Variants in STK4 observed in about 807,000 individuals in gnomAD.
The protein encoded by STK4 is serine/threonine kinase 4.
Under a neutral mutation model 64.9 loss-of-function variants are expected in STK4, and 30 were observed. The observed-to-expected ratio is 0.46, with a 90% CI of 0.35 to 0.63. The LOEUF is 0.63. Ranked by LOEUF, STK4 falls within the 20% of genes least tolerant of loss-of-function variation. The pLI, the probability that STK4 is intolerant of heterozygous loss-of-function variation, is 0.01. For missense variants in STK4, 466 were observed against 598.5 expected, an observed-to-expected ratio of 0.78 and a Z score of 2.31; for synonymous variants, 177 against 199.0, an observed-to-expected ratio of 0.89 and a Z score of 0.93.
At chr20:44,969,452 G>A (rs898462809) in intron 1 of STK4, among the ~76,000 whole-genome samples, 4 of 152,192 alleles carry the variant, frequency 2.6e-5, no homozygotes, top group African/African-American at 9.7e-5. Context: ...GATGGCATGT[G>A]TTTCCAATAA....
At chr20:45,001,419 C>T in intron 9 of STK4, 66 bp downstream of exon 9, 2 of 1,526,396 alleles carry the variant, frequency 1.3e-6, no homozygotes, top group South Asian at 2.6e-5. Context: ...AAGACAGATT[C>T]TCATGGTTCA....
chr20:45,027,333 G>A (rs1039305219), intron 10 of STK4, among the ~76,000 whole-genome samples: 1 of 151,508 alleles, frequency 6.6e-6, no homozygotes, highest in Admixed American at 6.6e-5. Context: ...GGGAGGCTGA[G>A]GCAGGAGAAT....
Position 45,021,039 on chromosome 20 carries a change from C to G in STK4, c.1148-3934C>G, listed in dbSNP as rs146425162. 3.9e-3 allele frequency among the ~76,000 whole-genome samples: 592 copies of G among 152,102 alleles called. 1 individual carries two copies. Among genetic ancestry groups the G allele is most frequent in the African/African-American group, 0.013 (558 of 41,472 alleles). ...CTTGCTATGTTGCCCAGGCTGGTCT[C>G]GAACTCCTGGGCTCAAGCAGTCTAC... On this transcript the variant is annotated intron_variant, in intron 9 of 10. Coordinates refer to ENST00000372806, the MANE Select transcript of STK4 (RefSeq NM_006282.5).
At chr20:45,061,616 T>C (rs1979013717) in intron 10 of STK4, among the ~76,000 whole-genome samples, 1 of 145,542 alleles carries the variant, frequency 6.9e-6, no homozygotes, top group African/African-American at 2.6e-5. Flanking sequence ...TTTTTTTTAC[T>C]TTTAGGTTCA....
chr20:45,002,974 A>AT (rs1472002924), intron 9 of STK4, among the ~76,000 whole-genome samples: 1 of 151,982 alleles, frequency 6.6e-6, no homozygotes, highest in Non-Finnish European at 1.5e-5. Flanking sequence ...CTGAGTCATC[A>AT]TACCATTTCT....
Position 44,972,144 on chromosome 20 carries a change from G to C in STK4, c.102G>C (p.Glu34Asp). 6.2e-7 allele frequency: 1 copy of C among 1,613,816 alleles called. No individual in the cohort carries two copies. Among genetic ancestry groups the C allele is most frequent in the Non-Finnish European group, 8.5e-7 (1 of 1,179,880 alleles). The change falls in exon 2 of 11, where the codon GAG (glutamate) becomes GAC (aspartate). Residue 34 changes from glutamate (E) to aspartate (D), a missense_variant. Around this residue, in one of 2 missense-constraint regions of STK4, gnomAD observed 190 missense variants for 289.7 expected, o/e 0.66. Transcript: ENST00000372806. Reference sequence around the variant, plus strand: ...CAGAAGAAGTATTTGATGTCTTAGAGAAACTTGGAGAAGGGTGAGTGTAAA... The same window carrying C: ...CAGAAGAAGTATTTGATGTCTTAGACAAACTTGGAGAAGGGTGAGTGTAAA... ...KQPEEVFDVL[E>D]KLGEGSYGSV...
intron 6 of STK4, among the ~76,000 whole-genome samples, chr20:44,995,478 C>T (rs1016913973): frequency 3.0e-4 from 45 of 151,644 alleles, no homozygotes; most frequent in African/African-American, 9.9e-4. Flanking sequence ...TGGTGGCGTG[C>T]GCCTGTAATC....
At chr20:45,016,047 G>GT (rs2068136143) in intron 9 of STK4, among the ~76,000 whole-genome samples, 1 of 152,170 alleles carries the variant, frequency 6.6e-6, no homozygotes, top group African/African-American at 2.4e-5. Context: ...GAATGCCTGA[G>GT]TGCTGGCATG....
At chr20:45,016,810 A>G (rs911343808) in intron 9 of STK4, among the ~76,000 whole-genome samples, 1 of 152,260 alleles carries the variant, frequency 6.6e-6, no homozygotes, top group Non-Finnish European at 1.5e-5. Flanking sequence ...AGAGGGCAGT[A>G]GCATAATGGT....
chr20:45,075,716 C>G lies in STK4; in HGVS notation c.*540C>G, dbSNP rs1211432760. 1 of 152,824 alleles carries G rather than the reference C, an allele frequency of 6.5e-6. No homozygotes were observed. The highest frequency in any genetic ancestry group is 1.5e-5 in the Non-Finnish European group (1 of 68,228). The allele number at this position is 152,824 out of a possible 1,614,324, so 9.5% of individuals were successfully genotyped here. On this transcript the variant is annotated 3_prime_UTR_variant, in exon 11 of 11. Coordinates refer to ENST00000372806, the MANE Select transcript of STK4 (RefSeq NM_006282.5). ...GGGTCACTGAATCCCAGGAGCCAAC[C>G]TCCCCCTTTGCAGGGCTGCATTTAA...
chr20:45,013,273 A>G (rs951406085), intron 9 of STK4, among the ~76,000 whole-genome samples: 15 of 151,914 alleles, frequency 9.9e-5, no homozygotes, highest in African/African-American at 3.6e-4. Context: ...GTTTTGGTTT[A>G]TTTTTAGTTT....
chr20:44,974,536 T>A (rs2067304892), intron 2 of STK4: 1 of 152,314 alleles, frequency 6.6e-6, no homozygotes, highest in Admixed American at 6.6e-5. Flanking sequence ...AATGTCACAA[T>A]CTCGGCTCAC....
chr20:45,025,147 GT>G lies in STK4; in HGVS notation c.1305+18del. On this transcript the variant is annotated intron_variant, in intron 10 of 10. Transcript: ENST00000372806. ...TACGAGTTTGTAAGTAGTGTTGGAA[GT>G]AAATGGTTATGTCTTCAGGGGAAGT... 1 of 1,597,960 alleles carries G rather than the reference GT, an allele frequency of 6.3e-7. No homozygotes were observed. Among genetic ancestry groups the G allele is most frequent in the Non-Finnish European group, 8.5e-7 (1 of 1,172,754 alleles).
chr20:45,027,414 G>T (rs1380784622), intron 10 of STK4, among the ~76,000 whole-genome samples: 1 of 124,780 alleles, frequency 8.0e-6, no homozygotes, highest in Non-Finnish European at 1.6e-5. Flanking sequence ...TGGGCAACAA[G>T]AGTGAAACTC....
At position 44,997,440 on chromosome 20, in the gene STK4, G is replaced by A. The variant is rs1039226432; in HGVS notation, c.831+134G>A. Reference sequence around the variant, plus strand: ...GGTGCAGTGGCTCACGCCTGTAATCGTAGCACTTTGGGAGGCTGAGGCAGG... The same window carrying A: ...GGTGCAGTGGCTCACGCCTGTAATCATAGCACTTTGGGAGGCTGAGGCAGG... On this transcript the variant is annotated intron_variant, in intron 7 of 10. Coordinates refer to ENST00000372806, the MANE Select transcript of STK4 (RefSeq NM_006282.5). 1.8e-5 allele frequency: 21 copies of A among 1,138,404 alleles called. 1 individual carries two copies. Among genetic ancestry groups the A allele is most frequent in the African/African-American group, 6.4e-5 (4 of 62,240 alleles). The allele number at this position is 1,138,404 out of a possible 1,614,324, so 70.5% of individuals were successfully genotyped here. A position where few individuals can be genotyped will look rare whatever the true frequency, so the allele number is the denominator to read the frequency against.
chr20:45,024,946 T>C (rs201856915), intron 9 of STK4, 27 bp from the exon 10 acceptor site: 24 of 1,529,068 alleles, frequency 1.6e-5, no homozygotes, highest in Non-Finnish European at 1.9e-5. Context: ...ATGTTTCTTT[T>C]CATTTTTCAT....
At chr20:44,972,046 T>C (rs1211372409) in intron 1 of STK4, 32 bp from the exon 2 acceptor site, 9 of 1,589,238 alleles carry the variant, frequency 5.7e-6, no homozygotes, top group East Asian at 2.2e-5. Flanking sequence ...GCAAATAAAA[T>C]GTATTTTGTG....
intron 9 of STK4, among the ~76,000 whole-genome samples, chr20:45,021,485 CT>C (rs2145372088): frequency 6.6e-6 from 1 of 152,334 alleles, no homozygotes; most frequent in Admixed American, 6.5e-5. Context: ...CATTTATTTT[CT>C]GGAATCACTA....
At chr20:45,031,904 C>CAAAAA (rs11431524) in intron 10 of STK4, among the ~76,000 whole-genome samples, 4 of 75,640 alleles carry the variant, frequency 5.3e-5, no homozygotes, top group Non-Finnish European at 5.3e-5. Context: ...GACTTCATCT[C>CAAAAA]AAAAAAAAAA....
Sources: gnomAD v4.1 joint callset for allele counts (sites outside exome capture counted in the v4.1 genomes callset) on GRCh38, gnomAD v4.1.1 for gene constraint, gnomAD v4.1.1 regional missense constraint, MANE v1.5 for transcripts, NCBI Gene and HGNC (gene_info 2026-07-23, HGNC 2026-07-21) for gene names.